TRMT11: variants seen among roughly 807,000 people sequenced by gnomAD.
TRMT11 encodes tRNA (guanine(10)-N(2))-methyltransferase TRMT11.
TRMT11 carries 53 observed loss-of-function variants against 62.8 expected under a neutral mutation model. The ratio of observed to expected loss-of-function variants is 0.84; its 90% confidence interval spans 0.68 to 1.06. The LOEUF (loss-of-function observed/expected upper bound fraction) is 1.06. TRMT11 is among the 50% of genes least tolerant of loss of function. The pLI, the probability that TRMT11 is intolerant of heterozygous loss-of-function variation, is 0.00. For missense variants in TRMT11, 556 were observed against 553.4 expected (o/e 1.00, Z -0.05); for synonymous variants, 188 against 190.3 (o/e 0.99, Z 0.10).
chr6:126,083,650 T>C (rs957196917), intron 17 of TRMT11, among the ~76,000 whole-genome samples: 1 of 152,154 alleles, frequency 6.6e-6, no homozygotes, highest in Admixed American at 6.6e-5. Flanking sequence ...CTAAAGCTAC[T>C]CAGCATGAGT....
chr6:126,063,648 A>C (rs908861940), intron 17 of TRMT11, among the ~76,000 whole-genome samples: 1 of 152,222 alleles, frequency 6.6e-6, no homozygotes, highest in Non-Finnish European at 1.5e-5. Context: ...GAAGCCTGAG[A>C]TTCTCTGTTT....
chr6:126,158,343 A>T, intron 21 of TRMT11, among the ~76,000 whole-genome samples: 1 of 152,116 alleles, frequency 6.6e-6, no homozygotes, highest in East Asian at 1.9e-4. Flanking sequence ...CTCATGGTAT[A>T]GTTTGGTATG....
At position 126,073,401 on chromosome 6, in the gene TRMT11, G is replaced by A. The variant is rs202119236; in HGVS notation, c.*1437+20211G>A. On this transcript the variant is annotated intron_variant and NMD_transcript_variant, in intron 17 of 22. Transcript: ENST00000648977. ...CAGTCTAAATCATTGAATGCAGCAC[G>A]CCAAATACATATTGATAATTCCATT... Among the ~76,000 whole-genome samples the A allele has an allele frequency of 1.6e-4, 24 of 152,194 alleles. No homozygotes were observed. In the East Asian group the frequency reaches 3.3e-3, roughly 21 times the overall value.
At chr6:126,151,866 C>CT (rs1778054597) in intron 21 of TRMT11, among the ~76,000 whole-genome samples, 7 of 96,622 alleles carry the variant, frequency 7.2e-5, no homozygotes, top group Admixed American at 4.4e-4. Flanking sequence ...TTCTTTCTTT[C>CT]CTTCTTTCTC....
chr6:126,083,488 T>A (rs188472594), intron 17 of TRMT11, among the ~76,000 whole-genome samples: 3 of 152,306 alleles, frequency 2.0e-5, no homozygotes, highest in Admixed American at 2.0e-4. Context: ...GTATTTATTA[T>A]AAATACATTA....
intron 21 of TRMT11, among the ~76,000 whole-genome samples, chr6:126,137,811 C>T (rs1777869611): frequency 6.6e-6 from 1 of 151,800 alleles, no homozygotes; most frequent in Non-Finnish European, 1.5e-5. Context: ...GAAATCCTGT[C>T]ATTTGCAGCA....
chr6:126,022,303 TC>T (rs1354781008), intron 12 of TRMT11, among the ~76,000 whole-genome samples: 7 of 152,120 alleles, frequency 4.6e-5, no homozygotes, highest in Admixed American at 6.5e-5. Context: ...TGTCTTGGCC[TC>T]CCAAAGTGTT....
At chr6:126,065,756 T>G (rs1181863546) in intron 17 of TRMT11, among the ~76,000 whole-genome samples, 1 of 152,242 alleles carries the variant, frequency 6.6e-6, no homozygotes, top group Non-Finnish European at 1.5e-5. Flanking sequence ...ATTACTATTC[T>G]TTAGCTGTAT....
intron 16 of TRMT11, among the ~76,000 whole-genome samples, chr6:126,050,526 G>A (rs1007175688): frequency 6.6e-6 from 1 of 151,958 alleles, no homozygotes; most frequent in Non-Finnish European, 1.5e-5. Context: ...AACATAGTGA[G>A]GCCCTGTAAT....
At chr6:126,068,844 C>CA (rs1294490417) in intron 17 of TRMT11, among the ~76,000 whole-genome samples, 6 of 152,062 alleles carry the variant, frequency 3.9e-5, no homozygotes, top group Non-Finnish European at 7.4e-5. Context: ...AAGTGAATCC[C>CA]AAAAAGATTA....
At chr6:125,992,846 G>A (rs1228686175) in intron 1 of TRMT11, among the ~76,000 whole-genome samples, 2 of 152,142 alleles carry the variant, frequency 1.3e-5, no homozygotes, top group East Asian at 1.9e-4. Flanking sequence ...CATCTGATTG[G>A]ACTGAATTCA....
chr6:126,047,182 G>A lies in TRMT11; in HGVS notation c.*1370-5941G>A, dbSNP rs1346270181. Among the ~76,000 whole-genome samples the A allele has an allele frequency of 4.6e-5, 7 of 151,846 alleles. No individual in the cohort carries two copies. In the East Asian group the frequency reaches 1.4e-3, roughly 30 times the overall value. On this transcript the variant is annotated intron_variant and NMD_transcript_variant, in intron 16 of 22. Coordinates refer to the TRMT11 transcript ENST00000648977. ...AGAAGAGGGCAGCGCCCTGACAAAG[G>A]CCCCACCCTCAAGCCTGAAAACCCA... is the stretch of plus-strand genomic sequence containing the variant.
At chr6:126,127,241 G>C (rs1315547581) in intron 21 of TRMT11, among the ~76,000 whole-genome samples, 1 of 152,070 alleles carries the variant, frequency 6.6e-6, no homozygotes, top group Non-Finnish European at 1.5e-5. Context: ...ACCCATGTGA[G>C]GAGTAGTTGA....
At chr6:126,252,658 G>C in the TRMT11 span, among the ~76,000 whole-genome samples, 1 of 152,064 alleles carries the variant, frequency 6.6e-6, no homozygotes, top group Non-Finnish European at 1.5e-5. Context: ...GACAGGAAGT[G>C]AAAAAAGCAA....
intron 21 of TRMT11, among the ~76,000 whole-genome samples, chr6:126,165,769 C>T (rs1778251430): frequency 6.6e-6 from 1 of 152,110 alleles, no homozygotes; most frequent in African/African-American, 2.4e-5. Context: ...CTTGGGGTTG[C>T]TCTTCTCAGG....
intron 7 of TRMT11, among the ~76,000 whole-genome samples, chr6:126,004,219 A>G (rs543392122): frequency 6.6e-6 from 1 of 152,174 alleles, no homozygotes; most frequent in Admixed American, 6.5e-5. Context: ...AGATGAGGCT[A>G]GATTTTGAAA....
intron 21 of TRMT11, among the ~76,000 whole-genome samples, chr6:126,170,476 A>G (rs1310563738): frequency 6.6e-6 from 1 of 152,172 alleles, no homozygotes; most frequent in Admixed American, 6.5e-5. Flanking sequence ...GACAGAGGTC[A>G]TTATGTTCAG....
intron 17 of TRMT11, among the ~76,000 whole-genome samples, chr6:126,095,215 A>G (rs1218350112): frequency 6.6e-6 from 1 of 152,202 alleles, no homozygotes; most frequent in Non-Finnish European, 1.5e-5. Context: ...ATGGATAAGA[A>G]TGGTCTTTCT....
the TRMT11 span, among the ~76,000 whole-genome samples, chr6:126,217,162 G>T: frequency 6.6e-6 from 1 of 152,136 alleles, no homozygotes; most frequent in East Asian, 1.9e-4. Context: ...TGTTGAGTTT[G>T]CTCAAAACAG....
Sources: gnomAD v4.1 joint callset for allele counts (sites outside exome capture counted in the v4.1 genomes callset) on GRCh38, gnomAD v4.1.1 for gene constraint, MANE v1.5 for transcripts, NCBI Gene and HGNC (gene_info 2026-07-23, HGNC 2026-07-21) for gene names.